Variants in ST13 observed in about 807,000 individuals in gnomAD.
ST13 encodes ST13 Hsp70 interacting protein, also known as hsc70-interacting protein.
Under a neutral mutation model 56.7 loss-of-function variants are expected in ST13, and 23 were observed. The ratio of observed to expected loss-of-function variants is 0.41; its 90% CI spans 0.29 to 0.57. ST13 has a LOEUF of 0.57. ST13 is among the 20% of genes least tolerant of loss of function. The pLI, the probability that ST13 is intolerant of heterozygous loss-of-function variation, is 0.36. For missense variants in ST13, 369 were observed against 459.9 expected (o/e 0.80, Z 1.81); for synonymous variants, 132 against 142.4 (o/e 0.93, Z 0.52).
At chr22:40,844,970 A>G (rs1052207881) in intron 3 of ST13, 61 bp from the exon 4 acceptor site, 1 of 1,210,166 alleles carries the variant, frequency 8.3e-7, no homozygotes, top group South Asian at 1.4e-5. Flanking sequence ...GCCACTCCCA[A>G]GATTATTAAA....
chr22:40,837,406 G>A (rs574474300), intron 5 of ST13, among the ~76,000 whole-genome samples: 12 of 152,138 alleles, frequency 7.9e-5, no homozygotes, highest in African/African-American at 2.2e-4. Context: ...ACCTGAGGTC[G>A]GGAGTTCAAG....
At chr22:40,829,479 C>A in intron 10 of ST13, 147 bp downstream of exon 10, 1 of 392,294 alleles carries the variant, frequency 2.5e-6, no homozygotes, top group Non-Finnish European at 4.5e-6. Context: ...CCTAATAATT[C>A]CATCATTTCT....
intron 8 of ST13, chr22:40,831,971 G>A (rs1043043596): frequency 2.4e-5 from 6 of 253,148 alleles, no homozygotes; most frequent in South Asian, 1.7e-4. Flanking sequence ...TCCTGCCTCA[G>A]CCTCCCGAGT....
Position 40,832,552 on chromosome 22 carries a change from T to C in ST13, c.681+17A>G. 6.3e-7 allele frequency: 1 copy of C among 1,587,098 alleles called. No individual in the cohort carries two copies. The highest frequency in any genetic ancestry group is 8.6e-7 in the Non-Finnish European group (1 of 1,158,922). ...AGTATTTAACTAATGACTTTCCCTT[T>C]CTCTACTTTGACATACCCTAGGTTG... On this transcript the variant is annotated intron_variant, in intron 8 of 11. Coordinates refer to ENST00000216218, the MANE Select transcript of ST13 (RefSeq NM_003932.5).
chr22:40,854,622 C>T (rs1378037285), intron 1 of ST13: 1 of 152,148 alleles, frequency 6.6e-6, no homozygotes, highest in East Asian at 1.9e-4. Context: ...TTAATTTGTT[C>T]TTCTGTGTCT....
rs766942591 is a variant in ST13 at position 40,856,576 on chromosome 22, G to T, written c.-36C>A. 1 of 1,573,322 alleles carries T rather than the reference G, an allele frequency of 6.4e-7. No individual in the cohort carries two copies. The highest frequency in any genetic ancestry group is 8.7e-7 in the Non-Finnish European group (1 of 1,145,532). On this transcript the variant is annotated 5_prime_UTR_variant, in exon 1 of 12. Coordinates refer to ENST00000216218, the MANE Select transcript of ST13 (RefSeq NM_003932.5). ...TGGTGGGCGAAACTGGGGGGGCTAC[G>T]GCCCGGTTCCAGGCCCAGGCGCTGG...
At chr22:40,855,569 T>C (rs970888042) in intron 1 of ST13, among the ~76,000 whole-genome samples, 5 of 152,230 alleles carry the variant, frequency 3.3e-5, no homozygotes, top group African/African-American at 9.7e-5. Flanking sequence ...TCCCCATTAG[T>C]AATAATTTTT....
At chr22:40,833,162 A>G (rs150623196) in intron 7 of ST13, among the ~76,000 whole-genome samples, 16 of 152,366 alleles carry the variant, frequency 1.1e-4, no homozygotes, top group African/African-American at 3.8e-4. Flanking sequence ...TTCACTGGGT[A>G]TACCTTTTAA....
At chr22:40,840,992 A>G (rs146893963) in intron 4 of ST13, among the ~76,000 whole-genome samples, 2 of 152,138 alleles carry the variant, frequency 1.3e-5, no homozygotes, top group Admixed American at 6.5e-5. Context: ...ATTAAACCCA[A>G]TCTCCTCACA....
intron 4 of ST13, among the ~76,000 whole-genome samples, chr22:40,844,194 A>T (rs2057819500): frequency 6.6e-6 from 1 of 152,096 alleles, no homozygotes; most frequent in African/African-American, 2.4e-5. Flanking sequence ...GGAAAATGCA[A>T]ATTAAAAGCC....
At chr22:40,835,035 C>T (rs1473176176) in intron 7 of ST13, among the ~76,000 whole-genome samples, 5 of 152,176 alleles carry the variant, frequency 3.3e-5, no homozygotes. Context: ...GGTATAATTA[C>T]TAATCTGGGT....
At chr22:40,840,514 T>A in intron 5 of ST13, 112 bp downstream of exon 5, 19 of 871,822 alleles carry the variant, frequency 2.2e-5, no homozygotes, top group Admixed American at 2.2e-4. Context: ...TAGGACACTA[T>A]CTTCTCCAGT....
rs1331320108 is a variant in ST13 at position 40,824,907 on chromosome 22, A to G, written c.*1631T>C. 2 of 152,206 alleles carry G rather than the reference A, an allele frequency of 1.3e-5. No homozygotes were observed. The highest frequency in any genetic ancestry group is 2.4e-5 in the African/African-American group (1 of 41,444). 9.4% of individuals were successfully genotyped at this position (152,206 alleles called of 1,614,324 possible). A position where few individuals can be genotyped will look rare whatever the true frequency, so the allele number is the denominator to read the frequency against. On this transcript the variant is annotated 3_prime_UTR_variant, in exon 12 of 12. Transcript: ENST00000216218. ...TGTACAGCAAAGGGTTAGAACCTGAATAAACTTATTTATGATTTCAGAAAT... is the reference window on the plus strand; with the variant it reads ...TGTACAGCAAAGGGTTAGAACCTGAGTAAACTTATTTATGATTTCAGAAAT...
chr22:40,843,466 A>T (rs2145743430), intron 4 of ST13, among the ~76,000 whole-genome samples: 1 of 152,308 alleles, frequency 6.6e-6, no homozygotes, highest in East Asian at 1.9e-4. Flanking sequence ...AAAATAGACA[A>T]GCAGAACAAT....
At chr22:40,834,408 A>C (rs980194913) in intron 7 of ST13, among the ~76,000 whole-genome samples, 1 of 152,242 alleles carries the variant, frequency 6.6e-6, no homozygotes, top group African/African-American at 2.4e-5. Flanking sequence ...CATTGTAGTA[A>C]GTAAATGTAA....
intron 1 of ST13, among the ~76,000 whole-genome samples, chr22:40,855,175 G>A (rs143155198): frequency 7.9e-5 from 12 of 152,164 alleles, no homozygotes; most frequent in African/African-American, 2.9e-4. Flanking sequence ...AAAATATCAC[G>A]CTGGGTGAAG....
intron 8 of ST13, 149 bp downstream of exon 8, chr22:40,832,420 T>C: frequency 1.6e-6 from 1 of 626,282 alleles, no homozygotes. Flanking sequence ...ATCTCCAGAG[T>C]CGAGCACAAA....
At chr22:40,831,028 A>C in intron 8 of ST13, 72 bp from the exon 9 acceptor site, 1 of 973,116 alleles carries the variant, frequency 1.0e-6, no homozygotes, top group South Asian at 1.4e-5. Context: ...TATTCTTTGT[A>C]GAGAGATGTT....
At chr22:40,831,676 T>G (rs1199690286) in intron 8 of ST13, among the ~76,000 whole-genome samples, 3 of 152,120 alleles carry the variant, frequency 2.0e-5, no homozygotes, top group African/African-American at 7.2e-5. Context: ...TCAATACAAT[T>G]CCCACTATCT....
Sources: gnomAD v4.1 joint callset for allele counts (sites outside exome capture counted in the v4.1 genomes callset) on GRCh38, gnomAD v4.1.1 for gene constraint, MANE v1.5 for transcripts, NCBI Gene and HGNC (gene_info 2026-07-23, HGNC 2026-07-21) for gene names.